Variants in RAB30 observed in about 807,000 individuals in gnomAD.
The protein encoded by RAB30 is ras-related protein Rab-30.
In RAB30, 9 loss-of-function variants were observed where a neutral mutation model predicts 25.1. That is an observed-to-expected ratio of 0.36 (90% CI 0.22 to 0.63). RAB30 has a LOEUF of 0.63. Among genes scored for constraint, RAB30 ranks in the 20% least tolerant of loss-of-function variants. RAB30 has a pLI of 0.69. For missense variants in RAB30, 140 were observed against 243.5 expected, an observed-to-expected ratio of 0.58 and a Z score of 2.83; for synonymous variants, 77 against 86.4, an observed-to-expected ratio of 0.89 and a Z score of 0.60.
intron 1 of RAB30, among the ~76,000 whole-genome samples, chr11:83,037,014 G>C (rs1251855909): frequency 6.6e-6 from 1 of 152,190 alleles, no homozygotes; most frequent in African/African-American, 2.4e-5. Context: ...AGTGTAATCT[G>C]ACTTGCGCTT....
In RAB30 at chr11:82,977,912, A is replaced by G. The variant is rs528069043; in HGVS notation, c.*4253T>C. The G allele has an allele frequency of 1.4e-4, 21 of 152,198 alleles. No homozygotes were observed. The highest frequency in any genetic ancestry group is 2.6e-4 in the Non-Finnish European group (18 of 68,040). The allele number at this position is 152,198 out of a possible 1,614,324, so 9.4% of individuals were successfully genotyped here. On this transcript the variant is annotated 3_prime_UTR_variant, in exon 5 of 5. Coordinates refer to ENST00000527633, the MANE Select transcript of RAB30 (RefSeq NM_001286060.2). ...AGGGATGATAATTTCTTAATTCAGT[A>G]TGAAAAAATTACCAGTGTGAAGAAT...
At chr11:83,058,880 T>C (rs7116356) in intron 1 of RAB30, among the ~76,000 whole-genome samples, 87,383 of 152,094 alleles carry the variant, frequency 0.57, 25,768 homozygotes, top group African/African-American at 0.73. Flanking sequence ...TTGTAGGCTC[T>C]CACACTTGGG....
chr11:83,044,714 G>C (rs1485086849), intron 1 of RAB30, among the ~76,000 whole-genome samples: 2 of 152,132 alleles, frequency 1.3e-5, no homozygotes, highest in African/African-American at 4.8e-5. Context: ...AATAAATGCA[G>C]CAAAGAATTT....
chr11:83,064,844 CCATT>C (rs1218736751), intron 1 of RAB30, among the ~76,000 whole-genome samples: 1 of 152,054 alleles, frequency 6.6e-6, no homozygotes, highest in Non-Finnish European at 1.5e-5. Flanking sequence ...TATGTAGCTC[CCATT>C]CAAATTTCCC....
chr11:82,989,621 T>C (rs769681546), intron 3 of RAB30, among the ~76,000 whole-genome samples: 12 of 152,212 alleles, frequency 7.9e-5, no homozygotes, highest in Non-Finnish European at 1.8e-4. Context: ...ACACTTGTGA[T>C]TGCGATTTAG....
chr11:83,008,097 G>A (rs1054341983), intron 1 of RAB30, among the ~76,000 whole-genome samples: 5 of 152,172 alleles, frequency 3.3e-5, no homozygotes, highest in African/African-American at 9.7e-5. Flanking sequence ...TGGCTGGACC[G>A]GAAGAACCTT....
intron 1 of RAB30, among the ~76,000 whole-genome samples, chr11:83,019,653 T>C (rs1857520298): frequency 6.6e-6 from 1 of 152,184 alleles, no homozygotes; most frequent in Admixed American, 6.5e-5. Flanking sequence ...TTTAGAACAC[T>C]AAGTTACTAG....
In RAB30 at chr11:83,011,323, A is replaced by G. The variant is rs189202159; in HGVS notation, c.-8-13999T>C. On this transcript the variant is annotated intron_variant, in intron 1 of 4. Transcript: ENST00000527633. ...AATCGCATCAACATTTCTTTAAAGC[A>G]GTTACAAAATCATTTCAATTTTGAG... Among the ~76,000 whole-genome samples, 136 of 152,352 alleles carry G rather than the reference A, an allele frequency of 8.9e-4. 1 individual carries two copies. Among genetic ancestry groups the G allele is most frequent in the Non-Finnish European group, 1.0e-4 (7 of 68,036 alleles).
At chr11:83,010,111 C>T (rs1439621319) in intron 1 of RAB30, among the ~76,000 whole-genome samples, 1 of 151,952 alleles carries the variant, frequency 6.6e-6, no homozygotes, top group Non-Finnish European at 1.5e-5. Flanking sequence ...CTCTATATAC[C>T]AATAGAGAAG....
intron 1 of RAB30, among the ~76,000 whole-genome samples, chr11:83,057,139 T>C (rs1858473738): frequency 1.3e-5 from 2 of 151,930 alleles, no homozygotes; most frequent in Non-Finnish European, 2.9e-5. Flanking sequence ...AAGGATCTTC[T>C]TACTCAACAA....
chr11:83,024,975 T>TGGTTTAGGAGTTAAATAG (rs1857674733), intron 1 of RAB30, among the ~76,000 whole-genome samples: 1 of 152,210 alleles, frequency 6.6e-6, no homozygotes, highest in African/African-American at 2.4e-5. Context: ...GAAACCCTAT[T>TGGTTTAGGAGTTAAATAG]TAACTCCGTT....
At chr11:83,049,326 G>A (rs1858302725) in intron 1 of RAB30, among the ~76,000 whole-genome samples, 2 of 151,574 alleles carry the variant, frequency 1.3e-5, no homozygotes, top group Non-Finnish European at 2.9e-5. Flanking sequence ...CAGGAGAATC[G>A]CTTGAACCCG....
In RAB30 at chr11:82,990,457, A is replaced by C. The variant is rs533981521; in HGVS notation, c.178-2687T>G. On this transcript the variant is annotated intron_variant, in intron 3 of 4. Transcript: ENST00000527633. ...AAGATTTCACAGATGGAGCTAGATG[A>C]TAGTAAGTTCCTAAGGGGCAGGGAT... 3.9e-5 allele frequency among the ~76,000 whole-genome samples: 6 copies of C among 152,368 alleles called. No homozygotes were observed. In the South Asian group the frequency reaches 1.0e-3, roughly 26 times the overall value.
chr11:82,989,155 T>C (rs1372467824), intron 3 of RAB30, among the ~76,000 whole-genome samples: 3 of 152,190 alleles, frequency 2.0e-5, no homozygotes, highest in Admixed American at 1.3e-4. Context: ...CCTCCCCGTA[T>C]TAATGGAAAC....
chr11:82,991,046 G>T (rs777764651), intron 3 of RAB30, among the ~76,000 whole-genome samples: 3 of 152,110 alleles, frequency 2.0e-5, no homozygotes, highest in Non-Finnish European at 4.4e-5. Context: ...ACTGATGAGG[G>T]TGTCAGGAGA....
chr11:82,989,743 T>C (rs367686956), intron 3 of RAB30, among the ~76,000 whole-genome samples: 6 of 152,238 alleles, frequency 3.9e-5, no homozygotes, highest in East Asian at 1.9e-4. Flanking sequence ...TGCCAAGATA[T>C]GTTACCTTCT....
At chr11:82,992,381 G>A (rs1856868579) in intron 3 of RAB30, 1 of 456,244 alleles carries the variant, frequency 2.2e-6, no homozygotes, top group Non-Finnish European at 4.4e-6. Flanking sequence ...TGTCTCTGCA[G>A]TATGAGCTAT....
intron 1 of RAB30, among the ~76,000 whole-genome samples, chr11:83,057,608 T>C (rs140329285): frequency 6.3e-4 from 96 of 152,284 alleles, no homozygotes; most frequent in African/African-American, 2.2e-3. Flanking sequence ...TAAGAGATAG[T>C]TGCCCAAATG....
intron 1 of RAB30, among the ~76,000 whole-genome samples, chr11:83,057,637 T>C (rs1858484395): frequency 6.6e-6 from 1 of 152,164 alleles, no homozygotes; most frequent in Non-Finnish European, 1.5e-5. Context: ...GGCCCCAAAA[T>C]GGCCCAGATG....
Sources: gnomAD v4.1 joint callset for allele counts (sites outside exome capture counted in the v4.1 genomes callset) on GRCh38, gnomAD v4.1.1 for gene constraint, MANE v1.5 for transcripts, NCBI Gene and HGNC (gene_info 2026-07-23, HGNC 2026-07-21) for gene names.